NKAIN2: variants seen among roughly 807,000 people sequenced by gnomAD.
NKAIN2 encodes sodium/potassium transporting ATPase interacting 2.
A neutral mutation model predicts 32.6 loss-of-function variants in NKAIN2; 14 were observed. That is an observed-to-expected ratio of 0.43 (90% CI 0.28 to 0.67). The LOEUF (loss-of-function observed/expected upper bound fraction) is 0.67. Ranked by LOEUF, NKAIN2 falls within the 30% of genes least tolerant of loss-of-function variation. NKAIN2 has a pLI of 0.17. For missense variants in NKAIN2, 198 were observed against 258.3 expected (o/e 0.77, Z 1.60); for synonymous variants, 80 against 87.2 (o/e 0.92, Z 0.46).
At chr6:124,468,050 T>C (rs115919402) in intron 3 of NKAIN2, among the ~76,000 whole-genome samples, 1,727 of 152,224 alleles carry the variant, frequency 0.011, 30 homozygotes, top group African/African-American at 0.04. Flanking sequence ...GCTACTTCCA[T>C]GATAGATGCT....
intron 3 of NKAIN2, among the ~76,000 whole-genome samples, chr6:124,453,369 A>ACACG (rs2114627803): frequency 6.8e-6 from 1 of 147,820 alleles, no homozygotes; most frequent in Non-Finnish European, 1.5e-5. Flanking sequence ...ACACACACAC[A>ACACG]GTTCTGAGGT....
intron 1 of NKAIN2, among the ~76,000 whole-genome samples, chr6:124,184,755 C>T (rs137935958): frequency 2.3e-4 from 35 of 152,032 alleles, no homozygotes; most frequent in African/African-American, 7.5e-4. Context: ...AACAAAATAT[C>T]TTTATTTAGT....
chr6:124,408,786 G>A (rs916286386), intron 3 of NKAIN2, among the ~76,000 whole-genome samples: 3 of 152,118 alleles, frequency 2.0e-5, no homozygotes, highest in African/African-American at 7.2e-5. Context: ...ATTACCTTGG[G>A]CAGTATGGCC....
At chr6:124,397,352 C>A (rs1163932959) in intron 3 of NKAIN2, among the ~76,000 whole-genome samples, 1 of 151,954 alleles carries the variant, frequency 6.6e-6, no homozygotes, top group Non-Finnish European at 1.5e-5. Flanking sequence ...TCAATTCAAA[C>A]ATATTCAGTG....
At chr6:123,826,396 A>C (rs78950469) in intron 1 of NKAIN2, among the ~76,000 whole-genome samples, 2,212 of 152,240 alleles carry the variant, frequency 0.015, 20 homozygotes, top group Middle Eastern at 0.034. Flanking sequence ...ACCATTTTTA[A>C]ATGTACAATT....
At chr6:124,271,572 G>A (rs1433407328) in intron 1 of NKAIN2, among the ~76,000 whole-genome samples, 6 of 152,188 alleles carry the variant, frequency 3.9e-5, no homozygotes, top group African/African-American at 1.2e-4. Flanking sequence ...GTAGCAGTGT[G>A]AAAATGGACT....
intron 1 of NKAIN2, among the ~76,000 whole-genome samples, chr6:124,251,728 A>C (rs1793698058): frequency 6.6e-6 from 1 of 152,042 alleles, no homozygotes; most frequent in Non-Finnish European, 1.5e-5. Flanking sequence ...TATGAGTGTC[A>C]GTGAGGATGT....
chr6:124,002,798 A>T (rs1271396180), intron 1 of NKAIN2, among the ~76,000 whole-genome samples: 1 of 152,212 alleles, frequency 6.6e-6, no homozygotes, highest in Non-Finnish European at 1.5e-5. Flanking sequence ...ATTATACTGT[A>T]CTTGAATTCA....
intron 3 of NKAIN2, among the ~76,000 whole-genome samples, chr6:124,437,117 C>G (rs995756326): frequency 6.6e-6 from 1 of 152,154 alleles, no homozygotes; most frequent in Non-Finnish European, 1.5e-5. Flanking sequence ...AAATTTCAGT[C>G]TCTCACCCTT....
intron 1 of NKAIN2, among the ~76,000 whole-genome samples, chr6:123,814,592 C>G (rs999651512): frequency 1.8e-4 from 27 of 152,144 alleles, no homozygotes; most frequent in Admixed American, 1.8e-3. Flanking sequence ...TTAATGATCA[C>G]TCTGTTACTG....
At chr6:124,384,915 G>T (rs1378667302) in intron 3 of NKAIN2, among the ~76,000 whole-genome samples, 11 of 152,110 alleles carry the variant, frequency 7.2e-5, no homozygotes, top group African/African-American at 2.4e-4. Flanking sequence ...GAGCCACTCT[G>T]CCCGTCTCTT....
At chr6:124,259,946 C>T (rs894908443) in intron 1 of NKAIN2, among the ~76,000 whole-genome samples, 5 of 152,120 alleles carry the variant, frequency 3.3e-5, no homozygotes, top group Non-Finnish European at 7.3e-5. Flanking sequence ...ATACATTAAA[C>T]CAAATAATGA....
intron 1 of NKAIN2, among the ~76,000 whole-genome samples, chr6:124,192,558 C>T (rs1790071867): frequency 6.6e-6 from 1 of 152,072 alleles, no homozygotes; most frequent in South Asian, 2.1e-4. Context: ...GAAGAATGTA[C>T]ATCCCACTGT....
intron 1 of NKAIN2, among the ~76,000 whole-genome samples, chr6:124,161,189 C>G (rs143063397): frequency 6.6e-6 from 1 of 152,196 alleles, no homozygotes; most frequent in Non-Finnish European, 1.5e-5. Flanking sequence ...GAGGAGGCCT[C>G]AGGAAGCTTA....
chr6:124,541,825 G>A (rs978328189), intron 3 of NKAIN2, among the ~76,000 whole-genome samples: 5 of 152,096 alleles, frequency 3.3e-5, no homozygotes, highest in Admixed American at 3.3e-4. Context: ...GTTGCATCTG[G>A]ATAGGACCAG....
At chr6:124,362,295 G>A (rs1025404118) in intron 3 of NKAIN2, among the ~76,000 whole-genome samples, 1 of 151,958 alleles carries the variant, frequency 6.6e-6, no homozygotes, top group Non-Finnish European at 1.5e-5. Context: ...ATGATGCAGG[G>A]AAAGATATTC....
At chr6:123,817,989 A>T (rs147868323) in intron 1 of NKAIN2, among the ~76,000 whole-genome samples, 1 of 152,174 alleles carries the variant, frequency 6.6e-6, no homozygotes, top group African/African-American at 2.4e-5. Context: ...AGTTTGAGCC[A>T]GGTGGATTTT....
chr6:124,261,172 A>T (rs1252175317), intron 1 of NKAIN2, among the ~76,000 whole-genome samples: 1 of 152,242 alleles, frequency 6.6e-6, no homozygotes, highest in Non-Finnish European at 1.5e-5. Context: ...TCATCTAAAA[A>T]GATTCCAGAT....
intron 3 of NKAIN2, among the ~76,000 whole-genome samples, chr6:124,567,942 G>C (rs1780982319): frequency 6.6e-6 from 1 of 152,132 alleles, no homozygotes; most frequent in African/African-American, 2.4e-5. Context: ...TCTGCTTCAA[G>C]CTGTGGGTCT....
Sources: allele counts gnomAD v4.1 joint callset (sites outside exome capture counted in the v4.1 genomes callset), GRCh38; gene constraint gnomAD v4.1.1; transcripts MANE v1.5; gene names NCBI Gene and HGNC (gene_info 2026-07-23, HGNC 2026-07-21).